Variants in FBXL18 observed in about 807,000 individuals in gnomAD.
The protein encoded by FBXL18 is F-box/LRR-repeat protein 18.
Under a neutral mutation model 46.0 loss-of-function variants are expected in FBXL18, and 36 were observed. The observed-to-expected ratio is 0.78, with a 90% confidence interval of 0.60 to 1.03. FBXL18 has a LOEUF of 1.03. Among genes scored for constraint, FBXL18 ranks in the 50% least tolerant of loss-of-function variants. FBXL18 has a pLI of 0.00. For synonymous variants in FBXL18, 557 were observed against 465.3 expected (o/e 1.20, Z -2.54); for missense variants, 977 against 1,004.1 (o/e 0.97, Z 0.36).
intron 4 of FBXL18, among the ~76,000 whole-genome samples, chr7:5,488,717 A>T (rs1783838383): frequency 6.6e-6 from 1 of 152,208 alleles, no homozygotes; most frequent in Non-Finnish European, 1.5e-5. Flanking sequence ...CCGCAAGCGC[A>T]AGCGTATGGG....
chr7:5,501,299 A>T lies in FBXL18; in HGVS notation c.970T>A (p.Cys324Ser), dbSNP rs2128237562. The change falls in exon 3 of 5, where the codon TGT becomes AGT. Residue 324 changes from cysteine (C) to serine (S), a missense_variant. Cys to Ser is a moderately radical substitution (Grantham distance 112, BLOSUM62 -1). Transcript: ENST00000382368. ...NNPFYFSFSR[C>S]TLSGGHLIQQ... The stretch of plus-strand genomic sequence containing the variant: ...ATCAGATGGCCGCCTGACAGGGTAC[A>T]GCGGCTGAAACTGAAGTAGAACGGG... The T allele has an allele frequency of 1.5e-5, 25 of 1,614,204 alleles. No individual in the cohort carries two copies. Among genetic ancestry groups the T allele is most frequent in the Middle Eastern group, 1.6e-4 (1 of 6,062 alleles).
At position 5,502,038 on chromosome 7, in the gene FBXL18, G is replaced by C. The variant is rs1226247335; in HGVS notation, c.238-7C>G. The C allele has an allele frequency of 1.3e-6, 2 of 1,566,306 alleles. No individual in the cohort carries two copies. Among genetic ancestry groups the C allele is most frequent in the East Asian group, 2.3e-5 (1 of 43,528 alleles). ...TCACTTTGTCCTCGCTCGCCTGCGG[G>C]ACAGAGGCAGGGTGGGGAGAGGAAG... is the stretch of plus-strand genomic sequence containing the variant. On this transcript the variant is annotated splice_polypyrimidine_tract_variant and splice_region_variant and intron_variant, in intron 2 of 4. Coordinates refer to ENST00000382368, the MANE Select transcript of FBXL18 (RefSeq NM_024963.6).
At chr7:5,471,419 G>A (rs1233540076), downstream of FBXL18, among the ~76,000 whole-genome samples, 5 of 152,206 alleles carry the variant, frequency 3.3e-5, no homozygotes, top group Admixed American at 3.3e-4. Context: ...TGGGACTACA[G>A]GCGCCCGCCA....
At chr7:5,470,021 G>A (rs549746448) in intron 4 of FBXL18, among the ~76,000 whole-genome samples, 7 of 152,270 alleles carry the variant, frequency 4.6e-5, no homozygotes, top group Non-Finnish European at 8.8e-5. Context: ...ATGAACGGGC[G>A]TGGGCGTGGG....
At chr7:5,508,467 G>A (rs2966438) in intron 1 of FBXL18, among the ~76,000 whole-genome samples, 50,815 of 149,636 alleles carry the variant, frequency 0.34, 8,932 homozygotes, top group Admixed American at 0.39. Flanking sequence ...AAATTAGTGG[G>A]ACACAGTGGC....
rs892102454 is a variant in FBXL18 at position 5,501,000 on chromosome 7, G to A, written c.1269C>T (p.Cys423=). 2.5e-6 allele frequency: 4 copies of A among 1,587,368 alleles called. No individual in the cohort carries two copies. Among genetic ancestry groups the A allele is most frequent in the Non-Finnish European group, 3.4e-6 (4 of 1,169,834 alleles). Residue 423 remains cysteine, a synonymous_variant, in exon 3 of 5, where the codon TGC becomes TGT. Coordinates refer to ENST00000382368, the MANE Select transcript of FBXL18 (RefSeq NM_024963.6). ...RHLRSLSLPV[C]SVADSAPRAD... is the part of the protein sequence containing the mutation. ...CGCGCGGCGCGGAGTCAGCGACAGA[G>A]CAGACAGGCAGGGAGAGGGAGCGCA...
chr7:5,462,730 T>A, intron 4 of FBXL18, among the ~76,000 whole-genome samples: 1 of 151,392 alleles, frequency 6.6e-6, no homozygotes. Context: ...GGCGGATGGA[T>A]CACGAGGTCA....
chr7:5,493,332 C>T (rs920651988), intron 3 of FBXL18, among the ~76,000 whole-genome samples: 8 of 152,190 alleles, frequency 5.3e-5, no homozygotes, highest in Admixed American at 2.6e-4. Flanking sequence ...AAGACAGTCT[C>T]GATCTGTTGC....
At chr7:5,454,695 C>A (rs562135376) in intron 4 of FBXL18, among the ~76,000 whole-genome samples, 4 of 152,132 alleles carry the variant, frequency 2.6e-5, no homozygotes, top group Non-Finnish European at 4.4e-5. Context: ...GAAGCTGCCC[C>A]AGGGCACACA....
intron 4 of FBXL18, among the ~76,000 whole-genome samples, chr7:5,459,821 G>C (rs1783219385): frequency 6.6e-6 from 1 of 152,160 alleles, no homozygotes; most frequent in Non-Finnish European, 1.5e-5. Flanking sequence ...GATGAGGCAG[G>C]AGAATCACTT....
chr7:5,466,177 A>AAAAAG (rs1005464271), intron 4 of FBXL18, among the ~76,000 whole-genome samples: 6 of 151,996 alleles, frequency 3.9e-5, no homozygotes, highest in African/African-American at 1.4e-4. Flanking sequence ...TTTAAAAAAA[A>AAAAAG]AAAAGAAAAG....
At position 5,466,796 on chromosome 7, in the gene FBXL18, G is replaced by T. The variant is rs368000932; in HGVS notation, c.2001-18953C>A. On this transcript the variant is annotated intron_variant and NMD_transcript_variant, in intron 4 of 6. Transcript: ENST00000415009. ...GGAGGCAGGAGCCCGGGACTCCTGGGGGTGACAAAGTTTGCAGCTATCACC... is the reference window on the plus strand; with the variant it reads ...GGAGGCAGGAGCCCGGGACTCCTGGTGGTGACAAAGTTTGCAGCTATCACC... Among the ~76,000 whole-genome samples the T allele has an allele frequency of 1.5e-3, 232 of 152,290 alleles. 1 individual carries two copies. Among genetic ancestry groups the T allele is most frequent in the African/African-American group, 5.5e-3 (227 of 41,570 alleles).
At position 5,512,297 on chromosome 7, in the gene FBXL18, TAAA is replaced by T. The variant is rs71004681; in HGVS notation, c.18+1357_18+1359del. Reference sequence around the variant, plus strand: ...GCACTGAACCATGTGAAGTGTTATTTAAAAAAAAAAAAAAAAAAAAAAAAAAGC... The same window carrying T: ...GCACTGAACCATGTGAAGTGTTATTTAAAAAAAAAAAAAAAAAAAAAAAGC... On this transcript the variant is annotated intron_variant, in intron 1 of 4. Coordinates refer to ENST00000382368, the MANE Select transcript of FBXL18 (RefSeq NM_024963.6). Among the ~76,000 whole-genome samples the T allele has an allele frequency of 8.3e-3, 706 of 85,440 alleles. 8 individuals are homozygous for T. Among genetic ancestry groups the T allele is most frequent in the African/African-American group, 0.027 (657 of 24,478 alleles). 56.1% of individuals were successfully genotyped at this position (85,440 alleles called of 152,430 possible). A position where few individuals can be genotyped will look rare whatever the true frequency, so the allele number is the denominator to read the frequency against.
intron 4 of FBXL18, chr7:5,489,917 C>A: frequency 8.6e-7 from 1 of 1,167,062 alleles, no homozygotes; most frequent in Non-Finnish European, 1.1e-6. Flanking sequence ...TGCACTCCAG[C>A]CTGGACGACA....
intron 3 of FBXL18, among the ~76,000 whole-genome samples, chr7:5,500,242 G>A (rs1466122869): frequency 3.3e-5 from 5 of 151,882 alleles, no homozygotes; most frequent in Non-Finnish European, 7.4e-5. Flanking sequence ...CTCATAGTAG[G>A]GCCAGGCAGT....
chr7:5,512,117 C>T (rs1345534521), intron 1 of FBXL18, among the ~76,000 whole-genome samples: 3 of 148,956 alleles, frequency 2.0e-5, no homozygotes, highest in South Asian at 2.1e-4. Flanking sequence ...TGGTGGCGGG[C>T]GCCCGTAGTC....
At chr7:5,459,881 C>T (rs959673554) in intron 4 of FBXL18, among the ~76,000 whole-genome samples, 4 of 152,080 alleles carry the variant, frequency 2.6e-5, no homozygotes, top group African/African-American at 9.6e-5. Context: ...CTGTCGTACT[C>T]CAGCCTGGGC....
At chr7:5,463,728 ATTTTTTTTTTT>A (rs552002078) in intron 4 of FBXL18, among the ~76,000 whole-genome samples, 35 of 53,002 alleles carry the variant, frequency 6.6e-4, no homozygotes, top group African/African-American at 2.5e-3. Flanking sequence ...TTATTTATTT[ATTTTTTTTTTT>A]TTTTTTTTTT....
rs755419650 is a variant in FBXL18, at chr7:5,501,752, C to G, written c.517G>C (p.Val173Leu). The change falls in exon 3 of 5, where the codon GTG (valine) becomes CTG (leucine). Residue 173 changes from valine (V) to leucine (L), a missense_variant. Coordinates refer to ENST00000382368, the MANE Select transcript of FBXL18 (RefSeq NM_024963.6). ...AACAGCGTCTGCTTGAGCTCCCGCA[C>G]GCGGCTCAGGGTGGCCTTGCACTCG... ...SSECKATLSR[V>L]RELKQTLFTP... is the part of the protein sequence containing the mutation. 6.4e-6 allele frequency: 10 copies of G among 1,559,910 alleles called. No individual in the cohort carries two copies. The highest frequency in any genetic ancestry group is 1.2e-5 in the South Asian group (1 of 85,214).
Sources: gnomAD v4.1 joint callset for allele counts (sites outside exome capture counted in the v4.1 genomes callset) on GRCh38, gnomAD v4.1.1 for gene constraint, MANE v1.5 for transcripts, NCBI Gene and HGNC (gene_info 2026-07-23, HGNC 2026-07-21) for gene names.